DHX34: variants seen among roughly 807,000 people sequenced by gnomAD.
The protein encoded by DHX34 is probable ATP-dependent RNA helicase DHX34.
A neutral mutation model predicts 111.1 loss-of-function variants in DHX34; 96 were observed. That is an observed-to-expected ratio of 0.86 (90% confidence interval 0.73 to 1.02). The LOEUF is 1.02. Ranked by LOEUF, DHX34 falls within the 50% of genes least tolerant of loss-of-function variation. The probability of loss-of-function intolerance (pLI) is 0.00; values close to 1 mark genes in which losing one functional copy is unlikely to be tolerated. For synonymous variants in DHX34, 688 were observed against 670.4 expected, an observed-to-expected ratio of 1.03 and a Z score of -0.41; for missense variants, 1,560 against 1,579.9, an observed-to-expected ratio of 0.99 and a Z score of 0.21.
In DHX34 at chr19:47,370,179, C is replaced by T. The variant is rs577659875; in HGVS notation, c.1769-2551C>T. 7.2e-5 allele frequency among the ~76,000 whole-genome samples: 11 copies of T among 152,288 alleles called. No homozygotes were observed. The South Asian group carries it at 1.5e-3, about 20-fold the overall frequency. On this transcript the variant is annotated intron_variant, in intron 7 of 16. Transcript: ENST00000328771. ...TGTGACGCAAAGTGCCCTGGTTGTG[C>T]GTGAGTGACAGGAAAGACAGGCTCT...
At chr19:47,355,647 G>C (rs1428981122) in intron 3 of DHX34, among the ~76,000 whole-genome samples, 1 of 152,056 alleles carries the variant, frequency 6.6e-6, no homozygotes, top group Non-Finnish European at 1.5e-5. Flanking sequence ...AGGAGATTGA[G>C]ACCATCCTGG....
Position 47,375,676 on chromosome 19 carries a change from C to A in DHX34, c.2275C>A (p.Pro759Thr). 1 of 1,556,938 alleles carries A rather than the reference C, an allele frequency of 6.4e-7. No homozygotes were observed. The highest frequency in any genetic ancestry group is 8.7e-7 in the Non-Finnish European group (1 of 1,155,208). ...SSDEDRAGPAPPGASDGVDIQ... is the reference protein window; with the variant it reads ...SSDEDRAGPATPGASDGVDIQ... ...TGACGAGGACAGGGCTGGCCCAGCC[C>A]CCCCAGGGGCCAGTGATGGCGTGGA... The change falls in exon 10 of 17, where the codon CCC becomes ACC. Residue 759 changes from proline to threonine, a missense_variant. Transcript: ENST00000328771.
At chr19:47,368,030 A>AT (rs1036104093) in intron 7 of DHX34, among the ~76,000 whole-genome samples, 5 of 151,662 alleles carry the variant, frequency 3.3e-5, no homozygotes, top group Non-Finnish European at 5.9e-5. Context: ...ATTTTATGTT[A>AT]TTTTTTACCA....
rs1490548648 is a variant in DHX34, at chr19:47,362,585, G to T, written c.1485G>T (p.Thr495=). The T allele has an allele frequency of 6.2e-7, 1 of 1,613,636 alleles. No homozygotes were observed. Among genetic ancestry groups the T allele is most frequent in the Admixed American group, 1.7e-5 (1 of 59,960 alleles). Reference sequence around the variant, plus strand: ...AGCGGAAGGGCCGGGCGGGCCGCACGGGCCCCGGAGTCTGCTTCCGCCTCT... The same window carrying T: ...AGCGGAAGGGCCGGGCGGGCCGCACTGGCCCCGGAGTCTGCTTCCGCCTCT... ...AEQRKGRAGR[T]GPGVCFRLYA... Residue 495 remains threonine, a synonymous_variant, in exon 6 of 17, where the codon ACG becomes ACT. Transcript: ENST00000328771.
rs756630071 is a variant in DHX34 at position 47,362,681 on chromosome 19, G to T, written c.1581G>T (p.Ser527=). The change falls in exon 6 of 17, where the codon TCG becomes TCT. Residue 527 remains serine, a synonymous_variant. Transcript: ENST00000328771. ...VPEIRRVALD[S]LVLQMKSMSV... Reference sequence around the variant, plus strand: ...AAATTCGGAGGGTGGCCCTGGACTCGTTGGTGCTGCAGGTGAGGCATGGGC... The same window carrying T: ...AAATTCGGAGGGTGGCCCTGGACTCTTTGGTGCTGCAGGTGAGGCATGGGC... The T allele has an allele frequency of 6.2e-7, 1 of 1,612,092 alleles. No homozygotes were observed. The highest frequency in any genetic ancestry group is 1.1e-5 in the South Asian group (1 of 90,940).
intron 2 of DHX34, chr19:47,354,799 C>T (rs2694563): frequency 0.078 from 20,766 of 267,420 alleles, 1,209 homozygotes; most frequent in African/African-American, 0.19. Flanking sequence ...TACAGGCATG[C>T]GCCACCACGC....
rs113758459 is a variant in DHX34, at chr19:47,376,065, G to A, written c.2449G>A (p.Ala817Thr). 861 of 1,574,742 alleles carry A rather than the reference G, an allele frequency of 5.5e-4. 1 individual carries two copies. The African/African-American group carries it at 9.9e-3, about 18-fold the overall frequency. ...GLYPQLAVPD[A>T]FNSSRKDSDQ... ...GTACCCACAGCTGGCCGTCCCCGAC[G>A]CCTTCAACAGCAGCCGAAAGGACTC... is the stretch of plus-strand genomic sequence containing the variant. Residue 817 changes from alanine to threonine, a missense_variant, in exon 11 of 17, where the codon GCC becomes ACC. Coordinates refer to ENST00000328771, the MANE Select transcript of DHX34 (RefSeq NM_014681.6).
At position 47,358,134 on chromosome 19, in the gene DHX34, C is replaced by A. The variant is rs1969516663; in HGVS notation, c.1272+14C>A. The A allele has an allele frequency of 3.1e-6, 5 of 1,597,592 alleles. No individual in the cohort carries two copies. In the African/African-American group the frequency reaches 6.7e-5, roughly 21 times the overall value. On this transcript the variant is annotated intron_variant, in intron 4 of 16. Transcript: ENST00000328771. ...GACCAGGACAAGGTATCACAGGAAG[C>A]CCGAGTGGGGCAGGCGGGGGGTCTG...
intron 4 of DHX34, among the ~76,000 whole-genome samples, chr19:47,358,596 G>A (rs1451278771): frequency 6.6e-6 from 1 of 151,802 alleles, no homozygotes; most frequent in Non-Finnish European, 1.5e-5. Context: ...AACTATAGGT[G>A]TGTGTCACTA....
chr19:47,372,345 G>A (rs976456390), intron 7 of DHX34, among the ~76,000 whole-genome samples: 2 of 152,070 alleles, frequency 1.3e-5, no homozygotes, highest in Admixed American at 6.5e-5. Flanking sequence ...GACGTCCACC[G>A]TGATGGGTCA....
At chr19:47,358,555 G>C (rs1432743663) in intron 4 of DHX34, among the ~76,000 whole-genome samples, 1 of 151,848 alleles carries the variant, frequency 6.6e-6, no homozygotes, top group Non-Finnish European at 1.5e-5. Context: ...TTGGGCTCAA[G>C]TGATCCTCTC....
At chr19:47,374,278 A>G (rs1189116935) in intron 9 of DHX34, among the ~76,000 whole-genome samples, 2 of 151,976 alleles carry the variant, frequency 1.3e-5, no homozygotes, top group Admixed American at 6.6e-5. Flanking sequence ...CTCTTCTAAA[A>G]ATACAAAAAT....
Position 47,379,921 on chromosome 19 carries a change from C to T in DHX34, c.2918C>T (p.Thr973Met), listed in dbSNP as rs769405184. The change falls in exon 14 of 17, where the codon ACG (threonine) becomes ATG (methionine). Residue 973 changes from threonine to methionine, a missense_variant. Coordinates refer to ENST00000328771, the MANE Select transcript of DHX34 (RefSeq NM_014681.6). ...QQQLEEEEEDTPVSPKEVATL... is the reference protein window; with the variant it reads ...QQQLEEEEEDMPVSPKEVATL... ...CAGCTGGAGGAGGAGGAGGAGGATA[C>T]GCCAGTCAGCCCCAAGGAGGTGGCC... The T allele has an allele frequency of 1.2e-5, 20 of 1,611,732 alleles. No homozygotes were observed. Among genetic ancestry groups the T allele is most frequent in the Admixed American group, 6.7e-5 (4 of 59,934 alleles).
At chr19:47,376,932 G>C in intron 12 of DHX34, 168 bp from the exon 13 acceptor site, 1 of 1,537,472 alleles carries the variant, frequency 6.5e-7, no homozygotes, top group Middle Eastern at 1.7e-4. Flanking sequence ...TGCGTGCTGG[G>C]AGTCACATTC....
Position 47,380,852 on chromosome 19 carries a change from G to A in DHX34, c.3019G>A (p.Val1007Ile). ...YSLRRLTGLE[V>I]QNMYVGPQTI... ...CCTCCGGCGGCTCACAGGGCTAGAA[G>A]TCCAGAACATGTATGTGGGACCCCA... The change falls in exon 15 of 17, where the codon GTC becomes ATC. Residue 1007 changes from valine (V) to isoleucine (I), a missense_variant. Physicochemically the swap from Val to Ile is conservative, Grantham distance 29 (BLOSUM62 3). Coordinates refer to ENST00000328771, the MANE Select transcript of DHX34 (RefSeq NM_014681.6). 1.9e-6 allele frequency: 3 copies of A among 1,613,972 alleles called. No homozygotes were observed. Among genetic ancestry groups the A allele is most frequent in the Non-Finnish European group, 2.5e-6 (3 of 1,179,924 alleles).
intron 6 of DHX34, among the ~76,000 whole-genome samples, chr19:47,365,482 C>T (rs1203512759): frequency 2.6e-5 from 4 of 152,122 alleles, no homozygotes; most frequent in Non-Finnish European, 5.9e-5. Context: ...GAACTTCTGA[C>T]CTCAGGTGAT....
chr19:47,380,554 C>T (rs1340094555), intron 14 of DHX34: 1 of 913,142 alleles, frequency 1.1e-6, no homozygotes. Flanking sequence ...GAAGGTTAGA[C>T]TCAAGGTCTG....
At chr19:47,369,599 TCA>T (rs1969904997) in intron 7 of DHX34, among the ~76,000 whole-genome samples, 1 of 152,202 alleles carries the variant, frequency 6.6e-6, no homozygotes, top group Admixed American at 6.5e-5. Flanking sequence ...ACACGGAATG[TCA>T]GCCGCTGATT....
chr19:47,370,623 C>T (rs1056835922), intron 7 of DHX34, among the ~76,000 whole-genome samples: 10 of 152,174 alleles, frequency 6.6e-5, no homozygotes, highest in African/African-American at 1.2e-4. Context: ...AGGCTGGATC[C>T]GCTGGACTTG....
Sources: allele counts gnomAD v4.1 joint callset (sites outside exome capture counted in the v4.1 genomes callset), GRCh38; gene constraint gnomAD v4.1.1; transcripts MANE v1.5; gene names NCBI Gene and HGNC (gene_info 2026-07-23, HGNC 2026-07-21).